MBNL1: variants seen among roughly 807,000 people sequenced by gnomAD.
The protein encoded by MBNL1 is muscleblind-like protein 1.
A neutral mutation model predicts 42.2 loss-of-function variants in MBNL1; 8 were observed. The ratio of observed to expected loss-of-function variants is 0.19; its 90% confidence interval spans 0.11 to 0.34. The LOEUF is 0.34. Ranked by LOEUF, MBNL1 falls within the 10% of genes least tolerant of loss-of-function variation. MBNL1 has a pLI of 1.00. For synonymous variants in MBNL1, 169 were observed against 173.9 expected (o/e 0.97, Z 0.22); for missense variants, 309 against 495.3 (o/e 0.62, Z 3.57).
intron 2 of MBNL1, among the ~76,000 whole-genome samples, chr3:152,303,406 G>A (rs564939490): frequency 6.4e-4 from 97 of 152,196 alleles, no homozygotes; most frequent in African/African-American, 2.2e-3. Context: ...GTCTAAGAGC[G>A]TATTCAAGCT....
intron 2 of MBNL1, among the ~76,000 whole-genome samples, chr3:152,373,341 G>GAAAAA (rs35536807): frequency 2.2e-5 from 2 of 90,544 alleles, no homozygotes; most frequent in Non-Finnish European, 2.1e-5. Flanking sequence ...CTGGGGTATG[G>GAAAAA]AAAAAAAAAA....
intron 2 of MBNL1, among the ~76,000 whole-genome samples, chr3:152,411,289 A>T (rs1313355399): frequency 6.6e-6 from 1 of 152,224 alleles, no homozygotes; most frequent in Non-Finnish European, 1.5e-5. Flanking sequence ...TGGGAGGCCA[A>T]GATGGGTGGA....
chr3:152,449,277 GACC>G (rs1716834513), intron 6 of MBNL1: 1 of 152,194 alleles, frequency 6.6e-6, no homozygotes, highest in Non-Finnish European at 1.5e-5. Context: ...GTTTCAGCTA[GACC>G]AGAGGTAGTG....
At chr3:152,300,421 A>G (rs2060231166) in intron 2 of MBNL1, 54 bp downstream of exon 2, 13 of 1,413,802 alleles carry the variant, frequency 9.2e-6, no homozygotes, top group South Asian at 1.2e-5. Context: ...TGAGGGGTAT[A>G]TGGACATACA....
At chr3:152,389,466 A>G (rs184475929) in intron 2 of MBNL1, among the ~76,000 whole-genome samples, 1 of 152,278 alleles carries the variant, frequency 6.6e-6, no homozygotes, top group Non-Finnish European at 1.5e-5. Flanking sequence ...GTCATTATGT[A>G]AACATCATAG....
chr3:152,274,745 A>T (rs948057712), intron 1 of MBNL1, among the ~76,000 whole-genome samples: 12 of 152,108 alleles, frequency 7.9e-5, no homozygotes, highest in African/African-American at 2.4e-4. Context: ...GAGAAATATA[A>T]TGGTTTCCAA....
chr3:152,417,527 G>A (rs932930192), intron 3 of MBNL1, among the ~76,000 whole-genome samples: 2 of 152,124 alleles, frequency 1.3e-5, no homozygotes, highest in Admixed American at 6.5e-5. Flanking sequence ...GTAGGTGACA[G>A]CATCTAACTT....
At chr3:152,407,276 T>G (rs1026852712) in intron 2 of MBNL1, among the ~76,000 whole-genome samples, 3 of 146,282 alleles carry the variant, frequency 2.1e-5, no homozygotes, top group Non-Finnish European at 4.5e-5. Flanking sequence ...CCAGCTCTTG[T>G]GGTTGAATTG....
intron 4 of MBNL1, among the ~76,000 whole-genome samples, chr3:152,433,526 G>A (rs181738834): frequency 0.071 from 10,858 of 151,948 alleles, 510 homozygotes; most frequent in Middle Eastern, 0.16. Context: ...CGAGGCGGGC[G>A]GATCACGAGG....
chr3:152,303,020 A>G (rs1313532412), intron 2 of MBNL1, among the ~76,000 whole-genome samples: 2 of 72,528 alleles, frequency 2.8e-5, no homozygotes, highest in African/African-American at 1.0e-4. Context: ...AATTTATTTC[A>G]TTAAAAAAAA....
chr3:152,261,297 C>A (rs1420696136), intron 2 of MBNL1, among the ~76,000 whole-genome samples: 1 of 152,146 alleles, frequency 6.6e-6, no homozygotes, highest in Non-Finnish European at 1.5e-5. Context: ...GTCATAATTA[C>A]CTCACATACC....
intron 3 of MBNL1, among the ~76,000 whole-genome samples, chr3:152,421,467 G>C (rs1321294362): frequency 6.6e-6 from 1 of 152,208 alleles, no homozygotes; most frequent in Admixed American, 6.5e-5. Context: ...GGACTAAGGA[G>C]CTTGGTTGGG....
In MBNL1 at chr3:152,270,000, AAC is replaced by A. The variant is rs1018289526; in HGVS notation, c.-790+911_-790+912del. ...AGAATACTTTGATTCCAGAGCCTGTAACACGAGCAGGTATATGGTGGCGCTTA... is the reference window on the plus strand; with the variant it reads ...AGAATACTTTGATTCCAGAGCCTGTAACGAGCAGGTATATGGTGGCGCTTA... On this transcript the variant is annotated intron_variant, in intron 1 of 9. Transcript: ENST00000324210. Among the ~76,000 whole-genome samples, 249 of 147,808 alleles carry A rather than the reference AAC, an allele frequency of 1.7e-3. 1 individual carries two copies. Among genetic ancestry groups the A allele is most frequent in the African/African-American group, 6.0e-3 (239 of 40,028 alleles).
In MBNL1 at chr3:152,338,224, T is replaced by A. The variant is rs561761813; in HGVS notation, c.174+37857T>A. The A allele has an allele frequency of 1.8e-5, 18 of 985,422 alleles. No homozygotes were observed. The East Asian group carries it at 1.9e-3, about 106-fold the overall frequency. 61.0% of individuals were successfully genotyped at this position (985,422 alleles called of 1,614,324 possible). A position where few individuals can be genotyped will look rare whatever the true frequency, so the allele number is the denominator to read the frequency against. ...TGCATTTCTCCATTGCTTCTTGTGT[T>A]CTGGCGGGAATCTTGGTGATTCTTT... On this transcript the variant is annotated intron_variant, in intron 2 of 9. Coordinates refer to ENST00000324210, the MANE Select transcript of MBNL1 (RefSeq NM_021038.5).
intron 2 of MBNL1, chr3:152,335,347 G>A (rs540154089): frequency 9.1e-6 from 9 of 992,732 alleles, no homozygotes; most frequent in African/African-American, 1.7e-5. Context: ...CTGTACATTA[G>A]AAACTGTTTT....
Position 152,300,226 on chromosome 3 carries a change from A to G in MBNL1, c.33A>G (p.Thr11=), listed in dbSNP as rs769170921. Reference sequence around the variant, plus strand: ...TTAGTGTCACACCAATTCGGGACACAAAATGGCTAACACTGGAAGTATGTA... The same window carrying G: ...TTAGTGTCACACCAATTCGGGACACGAAATGGCTAACACTGGAAGTATGTA... MAVSVTPIRD[T]KWLTLEVCRE... is the part of the protein sequence containing the mutation. The change falls in exon 2 of 10, where the codon ACA becomes ACG. Residue 11 remains threonine, a synonymous_variant. Transcript: ENST00000324210. 7 of 1,609,912 alleles carry G rather than the reference A, an allele frequency of 4.3e-6. No homozygotes were observed. The highest frequency in any genetic ancestry group is 1.1e-5 in the South Asian group (1 of 90,452).
chr3:152,408,646 T>C (rs1052230466), intron 2 of MBNL1, among the ~76,000 whole-genome samples: 4 of 151,858 alleles, frequency 2.6e-5, no homozygotes, highest in Non-Finnish European at 4.4e-5. Context: ...GTATACTAGA[T>C]ACTGGTATAA....
upstream of MBNL1, chr3:152,268,865 G>A: frequency 2.2e-6 from 1 of 453,634 alleles, no homozygotes; most frequent in Non-Finnish European, 4.4e-6. Context: ...GGGCGGGGGA[G>A]GGGCCGCGCA....
intron 4 of MBNL1, among the ~76,000 whole-genome samples, chr3:152,439,976 G>A (rs1198976567): frequency 6.6e-6 from 1 of 152,158 alleles, no homozygotes; most frequent in African/African-American, 2.4e-5. Context: ...TCATTCATGG[G>A]AATGAATAAA....
Sources: allele counts gnomAD v4.1 joint callset (sites outside exome capture counted in the v4.1 genomes callset), GRCh38; gene constraint gnomAD v4.1.1; transcripts MANE v1.5; gene names NCBI Gene and HGNC (gene_info 2026-07-23, HGNC 2026-07-21).